Variants in SLC2A4 observed in about 807,000 individuals in gnomAD.
The protein encoded by SLC2A4 is solute carrier family 2, facilitated glucose transporter member 4.
SLC2A4 carries 31 observed loss-of-function variants against 53.3 expected under a neutral mutation model. The ratio of observed to expected loss-of-function variants is 0.58; its 90% CI spans 0.44 to 0.78. The LOEUF (loss-of-function observed/expected upper bound fraction) is 0.78, where lower values mean the gene tolerates loss of function less well. Ranked by LOEUF, SLC2A4 falls within the 30% of genes least tolerant of loss-of-function variation. The pLI is 0.00. For synonymous variants in SLC2A4, 276 were observed against 281.9 expected, an observed-to-expected ratio of 0.98 and a Z score of 0.21; for missense variants, 538 against 655.7, an observed-to-expected ratio of 0.82 and a Z score of 1.96.
At position 7,286,623 on chromosome 17, in the gene SLC2A4, C is replaced by G; in HGVS notation, c.1524C>G (p.Asn508Lys). 6.2e-7 allele frequency: 1 copy of G among 1,614,002 alleles called. No homozygotes were observed. The highest frequency in any genetic ancestry group is 1.1e-5 in the South Asian group (1 of 91,084). The change falls in exon 11 of 11, where the codon AAC becomes AAG. Residue 508 changes from asparagine (N) to lysine (K), a missense_variant. Transcript: ENST00000317370. ...TELEYLGPDE[N>K]D ...TTGAGTATTTAGGGCCAGATGAGAA[C>G]GACTGAGGGGCCAGGCAGGGGTGGG...
chr17:7,286,324 T>C, intron 10 of SLC2A4, 102 bp from the exon 11 acceptor site: 1 of 915,294 alleles, frequency 1.1e-6, no homozygotes, highest in Non-Finnish European at 1.8e-6. Context: ...CTGTCTGCCG[T>C]CCCCCCAGCT....
rs2072454277 is a variant in SLC2A4, at chr17:7,286,792, C to A, written c.*163C>A. 5.9e-6 allele frequency: 4 copies of A among 673,928 alleles called. No homozygotes were observed. Among genetic ancestry groups the A allele is most frequent in the Non-Finnish European group, 1.0e-5 (4 of 383,094 alleles). 41.7% of individuals were successfully genotyped at this position (673,928 alleles called of 1,614,324 possible). ...AGCTGGGGGAAGGGTGGTCTGAGCA[C>A]CCCCTCATTCCCCTCGTGTGACTCT... is the stretch of plus-strand genomic sequence containing the variant. On this transcript the variant is annotated 3_prime_UTR_variant, in exon 11 of 11. Coordinates refer to ENST00000317370, the MANE Select transcript of SLC2A4 (RefSeq NM_001042.3).
In SLC2A4 at chr17:7,283,721, CTCTG is replaced by C. The variant is rs769542829; in HGVS notation, c.324-12_324-9del. The stretch of plus-strand genomic sequence containing the variant: ...GGGTGCCCTCACCCTCACAGCCTCA[CTCTG>C]TCTGCCTGCCAGGAAAAGGGCCATG... On this transcript the variant is annotated splice_polypyrimidine_tract_variant and intron_variant, in intron 3 of 10. Coordinates refer to ENST00000317370, the MANE Select transcript of SLC2A4 (RefSeq NM_001042.3). The surrounding 1 kb of genome is among the most constrained non-coding windows in gnomAD (Gnocchi z 5.8). 4.3e-6 allele frequency: 7 copies of C among 1,614,034 alleles called. No individual in the cohort carries two copies. The highest frequency in any genetic ancestry group is 5.1e-6 in the Non-Finnish European group (6 of 1,180,028).
rs757813490 is a variant in SLC2A4 at position 7,284,458 on chromosome 17, C to T, written c.728-27C>T. On this transcript the variant is annotated intron_variant, in intron 6 of 10. Transcript: ENST00000317370. The surrounding 1 kb of genome is among the most constrained non-coding windows in gnomAD (Gnocchi z 7.5). ...TAGCACCTGGCTTCCTCTCAGGTCC[C>T]CTCAGGCCTGACCTTCCCTTCTCCA... 1.2e-6 allele frequency: 2 copies of T among 1,614,124 alleles called. No homozygotes were observed. Among genetic ancestry groups the T allele is most frequent in the Non-Finnish European group, 1.7e-6 (2 of 1,179,938 alleles).
chr17:7,282,325 C>T lies in SLC2A4; in HGVS notation c.33+358C>T. ...TCTTGCCCTCCGGGAGCTGTCCGTC[C>T]GTCTTCGCTCACGGGCAGTGTTTCG... On this transcript the variant is annotated intron_variant, in intron 1 of 10. Coordinates refer to ENST00000317370, the MANE Select transcript of SLC2A4 (RefSeq NM_001042.3). This position sits in a 1 kb window ranked among gnomAD's most constrained non-coding sequence, Gnocchi z 4.1. 1 of 498,872 alleles carries T rather than the reference C, an allele frequency of 2.0e-6. No homozygotes were observed. The highest frequency in any genetic ancestry group is 3.9e-6 in the Non-Finnish European group (1 of 255,404). The allele number at this position is 498,872 out of a possible 1,614,324, so 30.9% of individuals were successfully genotyped here. A position where few individuals can be genotyped will look rare whatever the true frequency, so the allele number is the denominator to read the frequency against.
chr17:7,284,552 GA>G lies in SLC2A4; in HGVS notation c.797del (p.Lys266SerfsTer23). ...TGGCTGAGCTGAAGGATGAGAAGCG[GA>G]AGCTGGAGCGTGAGCGGCCACTGTC... The part of the protein sequence containing the change: ...VLAELKDEKR[K>X]LERERPLSLL... On this transcript the variant is annotated frameshift_variant, in exon 7 of 11. Coordinates refer to ENST00000317370, the MANE Select transcript of SLC2A4 (RefSeq NM_001042.3). LOFTEE classifies it high-confidence loss of function. The surrounding 1 kb of genome is among the most constrained non-coding windows in gnomAD (Gnocchi z 7.5). The G allele has an allele frequency of 6.2e-7, 1 of 1,614,248 alleles. No homozygotes were observed. Among genetic ancestry groups the G allele is most frequent in the Non-Finnish European group, 8.5e-7 (1 of 1,180,054 alleles).
In SLC2A4 at chr17:7,285,649, A is replaced by G; in HGVS notation, c.1123-56A>G. ...GTTTCACTTCTCTGAGTTGAGGGCA[A>G]GGGAAGATCAGAAAGGCCTCAACTG... is the stretch of plus-strand genomic sequence containing the variant. On this transcript the variant is annotated intron_variant, in intron 9 of 10. Coordinates refer to ENST00000317370, the MANE Select transcript of SLC2A4 (RefSeq NM_001042.3). This position sits in a 1 kb window ranked among gnomAD's most constrained non-coding sequence, Gnocchi z 6.0. 1 of 1,551,002 alleles carries G rather than the reference A, an allele frequency of 6.4e-7. No homozygotes were observed. Among genetic ancestry groups the G allele is most frequent in the Non-Finnish European group, 8.9e-7 (1 of 1,123,178 alleles).
Position 7,284,901 on chromosome 17 carries a change from G to A in SLC2A4, c.982G>A (p.Gly328Arg). The A allele has an allele frequency of 6.2e-7, 1 of 1,614,176 alleles. No homozygotes were observed. The highest frequency in any genetic ancestry group is 8.5e-7 in the Non-Finnish European group (1 of 1,179,992). ...GVGQPAYATIGAGVVNTVFTL... is the reference protein window; with the variant it reads ...GVGQPAYATIRAGVVNTVFTL... ...AGGCCAGCCTGCCTATGCCACCATA[G>A]GAGCTGGTGTGGTCAACACAGTCTT... Residue 328 changes from glycine to arginine, a missense_variant, in exon 8 of 11, where the codon GGA becomes AGA. Coordinates refer to ENST00000317370, the MANE Select transcript of SLC2A4 (RefSeq NM_001042.3). The surrounding 1 kb of genome is among the most constrained non-coding windows in gnomAD (Gnocchi z 7.5).
Position 7,286,868 on chromosome 17 carries a change from C to G in SLC2A4, c.*239C>G, listed in dbSNP as rs2072455038. 2 of 512,962 alleles carry G rather than the reference C, an allele frequency of 3.9e-6. No homozygotes were observed. Among genetic ancestry groups the G allele is most frequent in the Admixed American group, 6.4e-5 (2 of 31,290 alleles). 31.8% of individuals were successfully genotyped at this position (512,962 alleles called of 1,614,324 possible). The stretch of plus-strand genomic sequence containing the variant: ...TGGCCGTGGCCATCAGGGTGGGCCA[C>G]TCTCCCCTCCCTCTTCCTTCCCCCA... On this transcript the variant is annotated 3_prime_UTR_variant, in exon 11 of 11. Coordinates refer to ENST00000317370, the MANE Select transcript of SLC2A4 (RefSeq NM_001042.3).
In SLC2A4 at chr17:7,286,848, G is replaced by C. The variant is rs1049073162; in HGVS notation, c.*219G>C. ...ATTATTTATGTGTTGTGGTTTGGCCGTGGCCATCAGGGTGGGCCACTCTCC... is the reference window on the plus strand; with the variant it reads ...ATTATTTATGTGTTGTGGTTTGGCCCTGGCCATCAGGGTGGGCCACTCTCC... On this transcript the variant is annotated 3_prime_UTR_variant, in exon 11 of 11. Coordinates refer to ENST00000317370, the MANE Select transcript of SLC2A4 (RefSeq NM_001042.3). 1.8e-6 allele frequency: 1 copy of C among 547,156 alleles called. No homozygotes were observed. Among genetic ancestry groups the C allele is most frequent in the African/African-American group, 1.9e-5 (1 of 52,668 alleles). 33.9% of individuals were successfully genotyped at this position (547,156 alleles called of 1,614,324 possible).
In SLC2A4 at chr17:7,285,463, C is replaced by T. The variant is rs545314283; in HGVS notation, c.1123-242C>T. ...CTCAGGAACAATCATTCCTAAGGAC[C>T]CAGCTTTAGAGTCCAGGGAGAGCTG... On this transcript the variant is annotated intron_variant, in intron 9 of 10. Transcript: ENST00000317370. This position sits in a 1 kb window ranked among gnomAD's most constrained non-coding sequence, Gnocchi z 6.0. Among the ~76,000 whole-genome samples, 5 of 152,250 alleles carry T rather than the reference C, an allele frequency of 3.3e-5. No homozygotes were observed. The highest frequency in any genetic ancestry group is 1.2e-4 in the African/African-American group (5 of 41,544).
rs1337243740 is a variant in SLC2A4, at chr17:7,283,782, G to GC, written c.369dup (p.Ser124GlnfsTer13). On this transcript the variant is annotated frameshift_variant, in exon 4 of 11. Coordinates refer to ENST00000317370, the MANE Select transcript of SLC2A4 (RefSeq NM_001042.3). LOFTEE classifies it high-confidence loss of function. This position sits in a 1 kb window ranked among gnomAD's most constrained non-coding sequence, Gnocchi z 5.8. ...AACAATGTCCTGGCGGTGCTGGGGG[G>GC]CAGCCTCATGGGCCTGGCCAATGCT... 6.2e-7 allele frequency: 1 copy of GC among 1,613,926 alleles called. No individual in the cohort carries two copies. Among genetic ancestry groups the GC allele is most frequent in the Non-Finnish European group, 8.5e-7 (1 of 1,180,006 alleles).
Position 7,285,665 on chromosome 17 carries a change from G to T in SLC2A4, c.1123-40G>T. On this transcript the variant is annotated intron_variant, in intron 9 of 10. Transcript: ENST00000317370. This position sits in a 1 kb window ranked among gnomAD's most constrained non-coding sequence, Gnocchi z 6.0. ...TTGAGGGCAAGGGAAGATCAGAAAG[G>T]CCTCAACTGGATTCTCCACCCTCCC... The T allele has an allele frequency of 6.3e-7, 1 of 1,589,982 alleles. No individual in the cohort carries two copies. The highest frequency in any genetic ancestry group is 8.6e-7 in the Non-Finnish European group (1 of 1,158,152).
In SLC2A4 at chr17:7,285,973, C is replaced by T; in HGVS notation, c.1326+65C>T. On this transcript the variant is annotated intron_variant, in intron 10 of 10. Coordinates refer to ENST00000317370, the MANE Select transcript of SLC2A4 (RefSeq NM_001042.3). The surrounding 1 kb of genome is among the most constrained non-coding windows in gnomAD (Gnocchi z 6.0). Reference sequence around the variant, plus strand: ...AGGTGGGCATCACACAGCTAGCCCACCTGCTTCCCCGTCAGGGACTCCTCC... The same window carrying T: ...AGGTGGGCATCACACAGCTAGCCCATCTGCTTCCCCGTCAGGGACTCCTCC... 6.8e-7 allele frequency: 1 copy of T among 1,469,278 alleles called. No homozygotes were observed. Among genetic ancestry groups the T allele is most frequent in the Non-Finnish European group, 9.4e-7 (1 of 1,068,058 alleles). The allele number at this position is 1,469,278 out of a possible 1,614,324, so 91.0% of individuals were successfully genotyped here. A position where few individuals can be genotyped will look rare whatever the true frequency, so the allele number is the denominator to read the frequency against.
chr17:7,284,726 G>A lies in SLC2A4; in HGVS notation c.915+54G>A. The A allele has an allele frequency of 6.2e-7, 1 of 1,611,244 alleles. No homozygotes were observed. Among genetic ancestry groups the A allele is most frequent in the African/African-American group, 1.3e-5 (1 of 74,962 alleles). On this transcript the variant is annotated intron_variant, in intron 7 of 10. Transcript: ENST00000317370. This position sits in a 1 kb window ranked among gnomAD's most constrained non-coding sequence, Gnocchi z 7.5. ...CACAGCCCCGGGAGGGTAGACGAGAGTGGGGAGCAAACCCCCTCCACCAAC... is the reference window on the plus strand; with the variant it reads ...CACAGCCCCGGGAGGGTAGACGAGAATGGGGAGCAAACCCCCTCCACCAAC...
Position 7,282,102 on chromosome 17 carries a change from A to G in SLC2A4, c.33+135A>G, listed in dbSNP as rs1345454176. On this transcript the variant is annotated intron_variant, in intron 1 of 10. Transcript: ENST00000317370. This position sits in a 1 kb window ranked among gnomAD's most constrained non-coding sequence, Gnocchi z 4.1. ...TGAAGGTAGGGGGCTGGCTATTTATACCCGGCCTGGACAACCCGTGACTGT... is the reference window on the plus strand; with the variant it reads ...TGAAGGTAGGGGGCTGGCTATTTATGCCCGGCCTGGACAACCCGTGACTGT... 1 of 768,548 alleles carries G rather than the reference A, an allele frequency of 1.3e-6. No homozygotes were observed. The highest frequency in any genetic ancestry group is 2.7e-5 in the East Asian group (1 of 37,410). The allele number at this position is 768,548 out of a possible 1,614,324, so 47.6% of individuals were successfully genotyped here. A position where few individuals can be genotyped will look rare whatever the true frequency, so the allele number is the denominator to read the frequency against.
At position 7,284,569 on chromosome 17, in the gene SLC2A4, G is replaced by C. The variant is rs746563991; in HGVS notation, c.812G>C (p.Arg271Pro). ...KDEKRKLERE[R>P]PLSLLQLLGS... ...GAGAAGCGGAAGCTGGAGCGTGAGC[G>C]GCCACTGTCCCTGCTCCAGCTCCTG... is the stretch of plus-strand genomic sequence containing the variant. The change falls in exon 7 of 11, where the codon CGG (arginine) becomes CCG (proline). Residue 271 changes from arginine (R) to proline (P), a missense_variant. Coordinates refer to ENST00000317370, the MANE Select transcript of SLC2A4 (RefSeq NM_001042.3). The surrounding 1 kb of genome is among the most constrained non-coding windows in gnomAD (Gnocchi z 7.5). 1.2e-6 allele frequency: 2 copies of C among 1,614,182 alleles called. No individual in the cohort carries two copies. Among genetic ancestry groups the C allele is most frequent in the Non-Finnish European group, 1.7e-6 (2 of 1,180,032 alleles).
In SLC2A4 at chr17:7,282,105, C is replaced by T; in HGVS notation, c.33+138C>T. ...AGGTAGGGGGCTGGCTATTTATACC[C>T]GGCCTGGACAACCCGTGACTGTGAG... On this transcript the variant is annotated intron_variant, in intron 1 of 10. Coordinates refer to ENST00000317370, the MANE Select transcript of SLC2A4 (RefSeq NM_001042.3). This position sits in a 1 kb window ranked among gnomAD's most constrained non-coding sequence, Gnocchi z 4.1. The T allele has an allele frequency of 4.0e-6, 3 of 748,058 alleles. No individual in the cohort carries two copies. Among genetic ancestry groups the T allele is most frequent in the Non-Finnish European group, 4.7e-6 (2 of 428,846 alleles). The allele number at this position is 748,058 out of a possible 1,614,324, so 46.3% of individuals were successfully genotyped here.
At position 7,281,815 on chromosome 17, in the gene SLC2A4, C is replaced by G; in HGVS notation, c.-120C>G. On this transcript the variant is annotated 5_prime_UTR_variant, in exon 1 of 11. Coordinates refer to ENST00000317370, the MANE Select transcript of SLC2A4 (RefSeq NM_001042.3). ...GTGGGTCCCATCGGGCCCGCCCTCG[C>G]ACGTCACTCCGGGACCCCCGCGGCC... The G allele has an allele frequency of 9.5e-7, 1 of 1,048,166 alleles. No homozygotes were observed. Among genetic ancestry groups the G allele is most frequent in the South Asian group, 1.4e-5 (1 of 73,930 alleles). 64.9% of individuals were successfully genotyped at this position (1,048,166 alleles called of 1,614,324 possible).
Sources: gnomAD v4.1 joint callset for allele counts (sites outside exome capture counted in the v4.1 genomes callset) on GRCh38, gnomAD v4.1.1 for gene constraint, Gnocchi (gnomAD v3.1) non-coding constraint, MANE v1.5 for transcripts, NCBI Gene and HGNC (gene_info 2026-07-23, HGNC 2026-07-21) for gene names.